ESRP1: variants seen among roughly 807,000 people sequenced by gnomAD.
ESRP1 encodes epithelial splicing regulatory protein 1.
A neutral mutation model predicts 81.7 loss-of-function variants in ESRP1; 33 were observed. That is an observed-to-expected ratio of 0.40 (90% CI 0.31 to 0.54). ESRP1 has a LOEUF of 0.54. Among genes scored for constraint, ESRP1 ranks in the 20% least tolerant of loss-of-function variants. The pLI is 0.41. For synonymous variants in ESRP1, 320 were observed against 303.3 expected (o/e 1.06, Z -0.57); for missense variants, 672 against 833.1 (o/e 0.81, Z 2.38).
intron 10 of ESRP1, among the ~76,000 whole-genome samples, chr8:94,669,223 G>A (rs914497844): frequency 6.6e-6 from 1 of 152,184 alleles, no homozygotes; most frequent in Non-Finnish European, 1.5e-5. Flanking sequence ...CATGTCTTCA[G>A]GGGTCAGTTT....
At chr8:94,654,188 G>A (rs1375492756) in intron 4 of ESRP1, among the ~76,000 whole-genome samples, 4 of 152,108 alleles carry the variant, frequency 2.6e-5, no homozygotes, top group Non-Finnish European at 4.4e-5. Context: ...TGTGGTGGTG[G>A]GTACCTGTAA....
chr8:94,703,870 TG>T (rs1438338199), intron 15 of ESRP1, among the ~76,000 whole-genome samples: 1 of 152,170 alleles, frequency 6.6e-6, no homozygotes, highest in Non-Finnish European at 1.5e-5. Context: ...GATTAGGTGA[TG>T]GGGCAGTTGT....
intron 11 of ESRP1, among the ~76,000 whole-genome samples, chr8:94,672,926 A>T (rs75208646): frequency 6.6e-6 from 1 of 152,126 alleles, no homozygotes; most frequent in Non-Finnish European, 1.5e-5. Context: ...AAAATACTGA[A>T]TTTTTTTCCC....
intron 13 of ESRP1, among the ~76,000 whole-genome samples, chr8:94,680,516 C>T (rs1563539103): frequency 6.6e-6 from 1 of 152,162 alleles, no homozygotes; most frequent in African/African-American, 2.4e-5. Flanking sequence ...CACCCTCCGC[C>T]TCCCGGGATC....
rs940890881 is a variant in ESRP1 at position 94,664,181 on chromosome 8, T to C, written c.645-516T>C. Among the ~76,000 whole-genome samples the C allele has an allele frequency of 6.9e-5, 10 of 144,332 alleles. No individual in the cohort carries two copies. In the South Asian group the frequency reaches 2.2e-3, roughly 32 times the overall value. 94.7% of individuals were successfully genotyped at this position (144,332 alleles called of 152,430 possible). A position where few individuals can be genotyped will look rare whatever the true frequency, so the allele number is the denominator to read the frequency against. On this transcript the variant is annotated intron_variant, in intron 6 of 15. Transcript: ENST00000433389. The stretch of plus-strand genomic sequence containing the variant: ...CTCTATTGCCCAGGCTGGAGTGCAG[T>C]GGCACAATCTCAGCTCACTGCAGCC...
intron 4 of ESRP1, among the ~76,000 whole-genome samples, chr8:94,655,415 A>G (rs1281997726): frequency 1.4e-5 from 2 of 141,518 alleles, no homozygotes; most frequent in Non-Finnish European, 3.1e-5. Context: ...TTTTATTTTT[A>G]TATTTTTCAC....
At chr8:94,658,904 A>G (rs1291019459) in intron 4 of ESRP1, among the ~76,000 whole-genome samples, 1 of 152,016 alleles carries the variant, frequency 6.6e-6, no homozygotes, top group Non-Finnish European at 1.5e-5. Flanking sequence ...CAGTTGTTGT[A>G]TTTTGTCTTT....
At chr8:94,698,824 A>G (rs1439410789) in intron 15 of ESRP1, among the ~76,000 whole-genome samples, 1 of 152,220 alleles carries the variant, frequency 6.6e-6, no homozygotes, top group Non-Finnish European at 1.5e-5. Context: ...AAGAATTTGC[A>G]TCTTAGCCCT....
intron 4 of ESRP1, among the ~76,000 whole-genome samples, chr8:94,654,729 C>T (rs1549465): frequency 1.1e-4 from 16 of 151,940 alleles, no homozygotes; most frequent in Non-Finnish European, 2.1e-4. Flanking sequence ...CAGGACCAGC[C>T]TAAGCAACAC....
chr8:94,665,275 T>A, intron 9 of ESRP1, 79 bp downstream of exon 9: 1 of 1,359,618 alleles, frequency 7.4e-7, no homozygotes, highest in Non-Finnish European at 1.0e-6. Context: ...CAAGAGTAGG[T>A]GAATAGGGTC....
intron 4 of ESRP1, among the ~76,000 whole-genome samples, chr8:94,651,134 G>A (rs1818103559): frequency 6.6e-6 from 1 of 151,986 alleles, no homozygotes; most frequent in Non-Finnish European, 1.5e-5. Flanking sequence ...GGAATGGTGA[G>A]GGAAAGCAAT....
chr8:94,679,955 ATTTAAG>A (rs1451924021), intron 13 of ESRP1, among the ~76,000 whole-genome samples: 1 of 151,872 alleles, frequency 6.6e-6, no homozygotes, highest in Non-Finnish European at 1.5e-5. Context: ...TAAAAATATA[ATTTAAG>A]TTTATTTGTA....
rs894004179 is a variant in ESRP1 at position 94,674,495 on chromosome 8, G to A, written c.1640G>A (p.Cys547Tyr). ...CGAAATGGCTTATCCCCACCGCCAT[G>A]TAAGTTACCATGTAAGTTTTTCTTG... ...LNRNGLSPPP[C>Y]KLPCLSPPSY... Residue 547 changes from cysteine to tyrosine, a missense_variant, in exon 12 of 16, where the codon TGT becomes TAT. By Grantham distance (194) the Cys-to-Tyr change is radical (BLOSUM62 -2). Coordinates refer to ENST00000433389, the MANE Select transcript of ESRP1 (RefSeq NM_017697.4). The A allele has an allele frequency of 6.8e-6, 11 of 1,612,646 alleles. No individual in the cohort carries two copies. The highest frequency in any genetic ancestry group is 9.3e-6 in the Non-Finnish European group (11 of 1,179,294).
chr8:94,664,657 A>G lies in ESRP1; in HGVS notation c.645-40A>G, dbSNP rs1818926281. The G allele has an allele frequency of 2.7e-6, 4 of 1,475,176 alleles. 1 individual carries two copies. The South Asian group carries it at 4.5e-5, about 17-fold the overall frequency. 91.4% of individuals were successfully genotyped at this position (1,475,176 alleles called of 1,614,324 possible). On this transcript the variant is annotated intron_variant, in intron 6 of 15. Transcript: ENST00000433389. ...GGGGGTAATAGGTGTCTGACTTGCT[A>G]GCATTTATCATGCAACCTGAAGTTT... is the stretch of plus-strand genomic sequence containing the variant.
chr8:94,657,515 C>A (rs1818497764), intron 4 of ESRP1, among the ~76,000 whole-genome samples: 1 of 131,762 alleles, frequency 7.6e-6, no homozygotes, highest in Admixed American at 7.8e-5. Context: ...AAGGAGATGG[C>A]TTGGGCATTC....
intron 12 of ESRP1, among the ~76,000 whole-genome samples, chr8:94,677,100 G>A (rs1336092263): frequency 6.6e-6 from 1 of 152,158 alleles, no homozygotes; most frequent in African/African-American, 2.4e-5. Context: ...TGATGAGTAT[G>A]AAAGAGGCAC....
chr8:94,703,105 ATTG>A (rs1809905776), intron 15 of ESRP1, among the ~76,000 whole-genome samples: 1 of 77,312 alleles, frequency 1.3e-5, no homozygotes. Context: ...TCTGAGATTG[ATTG>A]TTTTTTTTTT....
Position 94,641,980 on chromosome 8 carries a change from G to C in ESRP1, c.157G>C (p.Val53Leu), listed in dbSNP as rs1470176713. ...GGTGGGACAGTTGCACGAAGTGCTA[G>C]TTAGACCGGATCAGTTGGAACTGAC... ...KKVGQLHEVL[V>L]RPDQLELTED... The change falls in exon 2 of 16, where the codon GTT becomes CTT. Residue 53 changes from valine (V) to leucine (L), a missense_variant. Transcript: ENST00000433389. 6.2e-7 allele frequency: 1 copy of C among 1,614,022 alleles called. No individual in the cohort carries two copies. The highest frequency in any genetic ancestry group is 2.2e-5 in the East Asian group (1 of 44,882).
At position 94,676,086 on chromosome 8, in the gene ESRP1, A is replaced by T. The variant is rs115161856; in HGVS notation, c.1651+1580A>T. Among the ~76,000 whole-genome samples the T allele has an allele frequency of 7.4e-3, 1,120 of 152,322 alleles. 18 individuals carry two copies. Among genetic ancestry groups the T allele is most frequent in the African/African-American group, 0.025 (1,050 of 41,560 alleles). ...CTACTTTAGATATATAAGATTAGCTATCCTAGGCTGGGCATGGTGGCTTAC... is the reference window on the plus strand; with the variant it reads ...CTACTTTAGATATATAAGATTAGCTTTCCTAGGCTGGGCATGGTGGCTTAC... On this transcript the variant is annotated intron_variant, in intron 12 of 15. Coordinates refer to ENST00000433389, the MANE Select transcript of ESRP1 (RefSeq NM_017697.4).
Sources: gnomAD v4.1 joint callset for allele counts (sites outside exome capture counted in the v4.1 genomes callset) on GRCh38, gnomAD v4.1.1 for gene constraint, MANE v1.5 for transcripts, NCBI Gene and HGNC (gene_info 2026-07-23, HGNC 2026-07-21) for gene names.